The following DMBT1 variants were observed in gnomAD, a reference collection of about 807,000 sequenced individuals.
The protein encoded by DMBT1 is scavenger receptor cysteine-rich domain-containing protein DMBT1.
Under a neutral mutation model 252.9 loss-of-function variants are expected in DMBT1, and 198 were observed. The observed-to-expected ratio is 0.78, with a 90% CI of 0.70 to 0.88. DMBT1 has a LOEUF of 0.88. Among genes scored for constraint, DMBT1 ranks in the 40% least tolerant of loss-of-function variants. DMBT1 has a pLI of 0.00. For synonymous variants in DMBT1, 990 were observed against 942.7 expected (o/e 1.05, Z -0.92); for missense variants, 2,432 against 2,404.7 (o/e 1.01, Z -0.24).
intron 55 of DMBT1, among the ~76,000 whole-genome samples, chr10:122,640,985 G>A (rs2684740): frequency 0.38 from 57,152 of 152,024 alleles, 11,996 homozygotes; most frequent in African/African-American, 0.57. Context: ...GGGAGGATGG[G>A]ATGAGAGAGA....
rs1317952022 is a variant in DMBT1, at chr10:122,631,293, T to A, written c.6346+12T>A. ...TGTCATCTGCTCAGGTATGGCCCAA[T>A]GCCATGGAAGGCCCATTTCACCTGT... On this transcript the variant is annotated intron_variant, in intron 49 of 55. Transcript: ENST00000338354. 1 of 1,608,262 alleles carries A rather than the reference T, an allele frequency of 6.2e-7. No individual in the cohort carries two copies. The highest frequency in any genetic ancestry group is 8.5e-7 in the Non-Finnish European group (1 of 1,175,162).
rs753717267 is a variant in DMBT1, at chr10:122,634,397, TTTC to T, written c.6548+1059_6548+1061del. 5.3e-3 allele frequency among the ~76,000 whole-genome samples: 743 copies of T among 140,568 alleles called. 4 individuals carry two copies. Among genetic ancestry groups the T allele is most frequent in the Middle Eastern group, 0.014 (4 of 284 alleles). 92.2% of individuals were successfully genotyped at this position (140,568 alleles called of 152,430 possible). ...CTTTCTTTCTTTCTTTCTTTCTTTC[TTTC>T]TTTTCTTTCTTTCTCTCTCTCTCTC... On this transcript the variant is annotated intron_variant, in intron 52 of 55. Transcript: ENST00000338354.
At chr10:122,579,125 C>T (rs998524831) in intron 9 of DMBT1, among the ~76,000 whole-genome samples, 3 of 152,044 alleles carry the variant, frequency 2.0e-5, no homozygotes, top group Non-Finnish European at 4.4e-5. Flanking sequence ...GGATCCTGTT[C>T]CAAGTGGTCA....
chr10:122,569,276 A>C, intron 2 of DMBT1, among the ~76,000 whole-genome samples: 1 of 152,194 alleles, frequency 6.6e-6, no homozygotes, highest in East Asian at 1.9e-4. Flanking sequence ...GCTGACGAGG[A>C]TGGAGGAACT....
In DMBT1 at chr10:122,636,003, C is replaced by T. The variant is rs556537184; in HGVS notation, c.6561C>T (p.Gly2187=). 44 of 1,613,832 alleles carry T rather than the reference C, an allele frequency of 2.7e-5. No homozygotes were observed. Among genetic ancestry groups the T allele is most frequent in the Non-Finnish European group, 3.7e-5 (44 of 1,179,896 alleles). Residue 2187 remains glycine, a synonymous_variant, in exon 53 of 56, where the codon GGC becomes GGT. Coordinates refer to ENST00000338354, the MANE Select transcript of DMBT1 (RefSeq NM_001377530.1). ...CCTCTCTCTGCAGGCTTGAAGGTGG[C>T]TGCAACTATGATTATATTGAAGTTT... is the stretch of plus-strand genomic sequence containing the variant. ...VIFRDVQLEG[G]CNYDYIEVFD...
At chr10:122,597,856 G>C (rs1268683485) in intron 24 of DMBT1, 118 bp from the exon 25 acceptor site, 2 of 1,484,186 alleles carry the variant, frequency 1.3e-6, no homozygotes, top group Non-Finnish European at 1.9e-6. Flanking sequence ...TGGGGAGCAA[G>C]TGGCAGGAAC....
intron 53 of DMBT1, 83 bp downstream of exon 53, chr10:122,636,282 A>T (rs2098226419): frequency 7.7e-7 from 1 of 1,298,864 alleles, no homozygotes; most frequent in African/African-American, 1.5e-5. Flanking sequence ...TTGTTGTGAA[A>T]TAAGAAATGA....
intron 53 of DMBT1, among the ~76,000 whole-genome samples, chr10:122,636,916 G>A (rs1359368505): frequency 1.3e-5 from 2 of 152,164 alleles, no homozygotes; most frequent in Non-Finnish European, 2.9e-5. Context: ...CTGAGTCCAC[G>A]TGCTCTCCTT....
intron 3 of DMBT1, among the ~76,000 whole-genome samples, chr10:122,570,658 G>C (rs186268026): frequency 2.9e-4 from 44 of 152,312 alleles, no homozygotes; most frequent in African/African-American, 9.4e-4. Context: ...GGCTGTGGCA[G>C]CAGAAGAGGT....
rs551750721 is a variant in DMBT1 at position 122,592,614 on chromosome 10, G to C, written c.2500+19G>C. On this transcript the variant is annotated intron_variant, in intron 20 of 55. Transcript: ENST00000338354. Reference sequence around the variant, plus strand: ...TGCTCAGGTGGGCCTCCAAGACCTTGGGCTCCCTCTCCTAGACTGGAGTTT... The same window carrying C: ...TGCTCAGGTGGGCCTCCAAGACCTTCGGCTCCCTCTCCTAGACTGGAGTTT... The C allele has an allele frequency of 7.6e-6, 12 of 1,588,166 alleles. 1 individual carries two copies. The highest frequency in any genetic ancestry group is 1.7e-4 in the Middle Eastern group (1 of 6,016).
At chr10:122,622,817 C>CTGTT (rs375863163) in intron 44 of DMBT1, among the ~76,000 whole-genome samples, 6 of 152,208 alleles carry the variant, frequency 3.9e-5, no homozygotes, top group African/African-American at 1.4e-4. Context: ...ATAGGAATGA[C>CTGTT]TGTTTCTATT....
Position 122,579,543 on chromosome 10 carries a change from A to G in DMBT1, c.680-35A>G, listed in dbSNP as rs768801749. Reference sequence around the variant, plus strand: ...TACCTTAGATTCTTGACCTCATGATAGGGATGGATGAAGGGTTCTTGTGTT... The same window carrying G: ...TACCTTAGATTCTTGACCTCATGATGGGGATGGATGAAGGGTTCTTGTGTT... On this transcript the variant is annotated intron_variant, in intron 9 of 55. Transcript: ENST00000338354. 67 of 1,612,204 alleles carry G rather than the reference A, an allele frequency of 4.2e-5. No homozygotes were observed. In the Middle Eastern group the frequency reaches 6.2e-4, roughly 15 times the overall value.
At chr10:122,632,818 G>C (rs748386979) in intron 50 of DMBT1, 43 bp from the exon 51 acceptor site, 7 of 1,608,824 alleles carry the variant, frequency 4.4e-6, no homozygotes, top group Non-Finnish European at 5.9e-6. Flanking sequence ...GCTGTGTCAG[G>C]GATGCCAGAA....
At chr10:122,636,443 T>C (rs1006182439) in intron 53 of DMBT1, among the ~76,000 whole-genome samples, 2 of 124,314 alleles carry the variant, frequency 1.6e-5, no homozygotes, top group Admixed American at 7.5e-5. Context: ...AGAGACTAAG[T>C]AGAGGGTCCC....
chr10:122,633,185 T>C lies in DMBT1; in HGVS notation c.6398-6T>C, dbSNP rs753223428. The C allele has an allele frequency of 1.2e-6, 2 of 1,613,796 alleles. No individual in the cohort carries two copies. Among genetic ancestry groups the C allele is most frequent in the Non-Finnish European group, 1.7e-6 (2 of 1,179,726 alleles). On this transcript the variant is annotated splice_polypyrimidine_tract_variant and splice_region_variant and intron_variant, in intron 51 of 55. Transcript: ENST00000338354. The stretch of plus-strand genomic sequence containing the variant: ...TCACCGACATTCCCACTTTTTGTCC[T>C]GACAGCAGATTATTCCTGCGGAGGC...
chr10:122,590,041 G>T (rs79073547), intron 17 of DMBT1, among the ~76,000 whole-genome samples: 4,029 of 148,380 alleles, frequency 0.027, 277 homozygotes, highest in East Asian at 0.12. Flanking sequence ...ATAGGTGTTG[G>T]GGGACGGACG....
chr10:122,617,418 T>G (rs574643855), intron 40 of DMBT1, among the ~76,000 whole-genome samples, 158 bp downstream of exon 40: 2 of 151,200 alleles, frequency 1.3e-5, no homozygotes, highest in African/African-American at 2.4e-5. Context: ...AGCCCTGGGT[T>G]TGATGTTTGA....
chr10:122,599,734 G>A (rs1444528221), intron 26 of DMBT1, among the ~76,000 whole-genome samples: 3 of 152,188 alleles, frequency 2.0e-5, no homozygotes, highest in Non-Finnish European at 4.4e-5. Context: ...GCTTGAGGAC[G>A]GCACAAGGGA....
intron 1 of DMBT1, among the ~76,000 whole-genome samples, chr10:122,563,572 G>C (rs2097565887): frequency 8.0e-6 from 1 of 124,344 alleles, no homozygotes; most frequent in Non-Finnish European, 1.7e-5. Flanking sequence ...GGGTGACAGA[G>C]TGAGACTCTG....
Sources: gnomAD v4.1 joint callset for allele counts (sites outside exome capture counted in the v4.1 genomes callset) on GRCh38, gnomAD v4.1.1 for gene constraint, MANE v1.5 for transcripts, NCBI Gene and HGNC (gene_info 2026-07-23, HGNC 2026-07-21) for gene names.